Variants in SPSB1 observed in about 807,000 individuals in gnomAD.
SPSB1 encodes the protein SPRY domain-containing SOCS box protein 1.
Under a neutral mutation model 21.2 loss-of-function variants are expected in SPSB1, and 8 were observed. The observed-to-expected ratio is 0.38, with a 90% CI of 0.22 to 0.68. SPSB1 has a LOEUF of 0.68. Among genes scored for constraint, SPSB1 ranks in the 30% least tolerant of loss-of-function variants. The pLI is 0.53. For missense variants in SPSB1, 242 were observed against 377.8 expected, an observed-to-expected ratio of 0.64 and a Z score of 2.98; for synonymous variants, 169 against 161.7, an observed-to-expected ratio of 1.05 and a Z score of -0.34.
chr1:9,366,563 G>A (rs1640574466), intron 2 of SPSB1, among the ~76,000 whole-genome samples: 1 of 150,496 alleles, frequency 6.6e-6, no homozygotes, highest in Non-Finnish European at 1.5e-5. Context: ...CTCTGTGCCT[G>A]TGTGTCCTCA....
intron 1 of SPSB1, among the ~76,000 whole-genome samples, chr1:9,332,239 T>C (rs1483694897): frequency 6.6e-6 from 1 of 151,156 alleles, no homozygotes; most frequent in Non-Finnish European, 1.5e-5. Context: ...TTTGTTTGAG[T>C]GGGCTGAGAT....
intron 2 of SPSB1, among the ~76,000 whole-genome samples, chr1:9,364,759 G>T (rs1003157870): frequency 6.6e-6 from 1 of 152,174 alleles, no homozygotes; most frequent in African/African-American, 2.4e-5. Context: ...CCGTCCATGG[G>T]GGATGAAGAG....
At position 9,305,856 on chromosome 1, in the gene SPSB1, T is replaced by C. The variant is rs1639401805; in HGVS notation, c.-150+12785T>C. 6.6e-6 allele frequency among the ~76,000 whole-genome samples: 1 copy of C among 152,130 alleles called. No homozygotes were observed. The highest frequency in any genetic ancestry group is 1.5e-5 in the Non-Finnish European group (1 of 68,024). On this transcript the variant is annotated intron_variant, in intron 1 of 2. Coordinates refer to ENST00000328089, the MANE Select transcript of SPSB1 (RefSeq NM_025106.4). This position sits in a 1 kb window ranked among gnomAD's most constrained non-coding sequence, Gnocchi z 4.8. ...GAGACAGGCCCGTCTCTGCTGATGATAGCGCTCAGGGTATCAGAGGACACT... is the reference window on the plus strand; with the variant it reads ...GAGACAGGCCCGTCTCTGCTGATGACAGCGCTCAGGGTATCAGAGGACACT...
At chr1:9,297,479 A>C (rs1475339943) in intron 1 of SPSB1, among the ~76,000 whole-genome samples, 1 of 151,972 alleles carries the variant, frequency 6.6e-6, no homozygotes, top group African/African-American at 2.4e-5. Context: ...GAGGAGCTGC[A>C]CTCCACACCA....
At chr1:9,300,788 A>G (rs1015183705) in intron 1 of SPSB1, among the ~76,000 whole-genome samples, 3 of 152,192 alleles carry the variant, frequency 2.0e-5, no homozygotes, top group African/African-American at 7.2e-5. Flanking sequence ...TGACATGAGG[A>G]AGTGGTCCAA....
intron 1 of SPSB1, chr1:9,339,166 C>T: frequency 4.1e-6 from 4 of 976,312 alleles, no homozygotes; most frequent in Non-Finnish European, 4.9e-6. Context: ...CCTCACCCCT[C>T]TTCTGTCATT....
intron 1 of SPSB1, among the ~76,000 whole-genome samples, chr1:9,343,582 C>T (rs1640124360): frequency 6.6e-6 from 1 of 152,186 alleles, no homozygotes. Flanking sequence ...GTTTAAAAGG[C>T]AGGGAATTCA....
At chr1:9,347,068 A>G (rs1447835889) in intron 1 of SPSB1, among the ~76,000 whole-genome samples, 2 of 152,194 alleles carry the variant, frequency 1.3e-5, no homozygotes, top group African/African-American at 4.8e-5. Flanking sequence ...CTGTTATCCG[A>G]GCACTTTGGG....
At chr1:9,311,568 G>C (rs906423752) in intron 1 of SPSB1, among the ~76,000 whole-genome samples, 4 of 152,206 alleles carry the variant, frequency 2.6e-5, no homozygotes, top group African/African-American at 9.7e-5. Context: ...AAAAGGATCA[G>C]ACTTGAACCA....
At chr1:9,310,140 C>T (rs61484781) in intron 1 of SPSB1, among the ~76,000 whole-genome samples, 1,289 of 112,098 alleles carry the variant, frequency 0.011, 42 homozygotes, top group African/African-American at 0.081. Context: ...GTGATGATGC[C>T]TCTGCACCTG....
rs929951059 is a variant in SPSB1, at chr1:9,363,984, G to T, written c.695-3464G>T. Among the ~76,000 whole-genome samples the T allele has an allele frequency of 4.6e-5, 7 of 152,218 alleles. No homozygotes were observed. Among genetic ancestry groups the T allele is most frequent in the Non-Finnish European group, 8.8e-5 (6 of 68,032 alleles). Reference sequence around the variant, plus strand: ...CAAAGTGCTGGGATTACAGGCATAAGCCACCGCGTCCAGCCTAGAAACATT... The same window carrying T: ...CAAAGTGCTGGGATTACAGGCATAATCCACCGCGTCCAGCCTAGAAACATT... On this transcript the variant is annotated intron_variant, in intron 2 of 2. Transcript: ENST00000328089. The surrounding 1 kb of genome is among the most constrained non-coding windows in gnomAD (Gnocchi z 4.5).
chr1:9,295,838 A>G (rs2075973), intron 1 of SPSB1, among the ~76,000 whole-genome samples: 2,469 of 152,136 alleles, frequency 0.016, 39 homozygotes, highest in African/African-American at 0.038. Context: ...TTCTCGAGAA[A>G]TAGGTTGTAG....
rs1275428561 is a variant in SPSB1 at position 9,356,849 on chromosome 1, G to C, written c.694+264G>C. Among the ~76,000 whole-genome samples the C allele has an allele frequency of 1.3e-5, 2 of 152,132 alleles. No individual in the cohort carries two copies. Among genetic ancestry groups the C allele is most frequent in the African/African-American group, 4.8e-5 (2 of 41,438 alleles). On this transcript the variant is annotated intron_variant, in intron 2 of 2. Transcript: ENST00000328089. This position sits in a 1 kb window ranked among gnomAD's most constrained non-coding sequence, Gnocchi z 7.4. ...TGAATGAATAGATGGATGAATGATTGGTTGGATGGATGGATGATGAATAGA... is the reference window on the plus strand; with the variant it reads ...TGAATGAATAGATGGATGAATGATTCGTTGGATGGATGGATGATGAATAGA...
chr1:9,331,074 C>G (rs1639909655), intron 1 of SPSB1, among the ~76,000 whole-genome samples: 1 of 152,020 alleles, frequency 6.6e-6, no homozygotes, highest in Non-Finnish European at 1.5e-5. Context: ...TTAGAATGGG[C>G]TCTCCTTTCA....
At chr1:9,355,643 G>T in intron 1 of SPSB1, 100 bp from the exon 2 acceptor site, 1 of 1,218,692 alleles carries the variant, frequency 8.2e-7, no homozygotes, top group Non-Finnish European at 1.0e-6. Flanking sequence ...CCAGGTGCAG[G>T]CTGCTGGGAC....
Position 9,367,367 on chromosome 1 carries a change from A to G in SPSB1, c.695-81A>G. The G allele has an allele frequency of 1.3e-6, 2 of 1,597,040 alleles. No individual in the cohort carries two copies. Among genetic ancestry groups the G allele is most frequent in the East Asian group, 2.2e-5 (1 of 44,794 alleles). On this transcript the variant is annotated intron_variant, in intron 2 of 2. Transcript: ENST00000328089. This position sits in a 1 kb window ranked among gnomAD's most constrained non-coding sequence, Gnocchi z 5.9. The stretch of plus-strand genomic sequence containing the variant: ...TGATTTGAGTGAATACTAATCAGTG[A>G]TAATATTGCTGCTGTGGTTAGCGCT...
At chr1:9,320,761 C>T (rs569521200) in intron 1 of SPSB1, among the ~76,000 whole-genome samples, 1 of 152,138 alleles carries the variant, frequency 6.6e-6, no homozygotes, top group South Asian at 2.1e-4. Flanking sequence ...TTTGAAGGTG[C>T]CTGGAGGGTG....
intron 1 of SPSB1, among the ~76,000 whole-genome samples, chr1:9,352,771 C>T (rs1381448007): frequency 6.6e-6 from 1 of 151,840 alleles, no homozygotes; most frequent in African/African-American, 2.4e-5. Flanking sequence ...GTTATGGTCC[C>T]TCCTGGCATT....
chr1:9,315,403 T>C (rs1639597339), intron 1 of SPSB1, among the ~76,000 whole-genome samples: 1 of 152,254 alleles, frequency 6.6e-6, no homozygotes, highest in Non-Finnish European at 1.5e-5. Flanking sequence ...CAAAGCTTCT[T>C]GTGTCGTTGT....
Sources: gnomAD v4.1 joint callset for allele counts (sites outside exome capture counted in the v4.1 genomes callset) on GRCh38, gnomAD v4.1.1 for gene constraint, Gnocchi (gnomAD v3.1) non-coding constraint, MANE v1.5 for transcripts, NCBI Gene and HGNC (gene_info 2026-07-23, HGNC 2026-07-21) for gene names.